The following PHTF2 variants were observed in gnomAD, a reference collection of about 807,000 sequenced individuals.
PHTF2 encodes the protein putative homeodomain transcription factor 2.
A neutral mutation model predicts 101.2 loss-of-function variants in PHTF2; 60 were observed. That is an observed-to-expected ratio of 0.59 (90% CI 0.48 to 0.73). The LOEUF is 0.73. PHTF2 is among the 30% of genes least tolerant of loss of function. The pLI is 0.00. For synonymous variants in PHTF2, 311 were observed against 307.3 expected (o/e 1.01, Z -0.13); for missense variants, 747 against 908.7 (o/e 0.82, Z 2.29).
At chr7:77,916,462 C>G (rs1802934418) in intron 9 of PHTF2, among the ~76,000 whole-genome samples, 1 of 152,124 alleles carries the variant, frequency 6.6e-6, no homozygotes, top group South Asian at 2.1e-4. Context: ...CTGGAGCAAC[C>G]ACGTTTTTGA....
intron 3 of PHTF2, among the ~76,000 whole-genome samples, chr7:77,869,696 C>T (rs1798364173): frequency 6.6e-6 from 1 of 152,126 alleles, no homozygotes; most frequent in Admixed American, 6.6e-5. Flanking sequence ...ATTAGCATTC[C>T]TCTTTCTCTA....
intron 3 of PHTF2, among the ~76,000 whole-genome samples, chr7:77,867,596 A>G (rs781001380): frequency 5.3e-5 from 8 of 152,216 alleles, no homozygotes; most frequent in Non-Finnish European, 1.2e-4. Flanking sequence ...CTCAACTGGC[A>G]TTTGAGGAGT....
intron 11 of PHTF2, chr7:77,923,790 T>A: frequency 2.0e-6 from 2 of 985,260 alleles, no homozygotes; most frequent in Non-Finnish European, 2.4e-6. Flanking sequence ...TCTCCCAGAA[T>A]AAATTATTTA....
At chr7:77,881,713 G>A (rs945103206) in intron 3 of PHTF2, among the ~76,000 whole-genome samples, 2 of 152,010 alleles carry the variant, frequency 1.3e-5, no homozygotes, top group Non-Finnish European at 2.9e-5. Flanking sequence ...AGGATGTCAT[G>A]GTTAATAGTA....
At chr7:77,906,276 A>G (rs1420343856) in intron 7 of PHTF2, 1 of 152,186 alleles carries the variant, frequency 6.6e-6, no homozygotes, top group Non-Finnish European at 1.5e-5. Context: ...AGGAGCTACC[A>G]CGCCCGGCTC....
chr7:77,895,305 G>A (rs1800783032), intron 5 of PHTF2: 1 of 293,834 alleles, frequency 3.4e-6, no homozygotes, highest in Non-Finnish European at 6.6e-6. Context: ...TGAGAACAGA[G>A]CATTGGGAAA....
chr7:77,881,023 A>G (rs960931345), intron 3 of PHTF2, among the ~76,000 whole-genome samples: 1 of 151,978 alleles, frequency 6.6e-6, no homozygotes, highest in African/African-American at 2.4e-5. Context: ...AGTGGACAAT[A>G]TATTCTGTCT....
At chr7:77,899,989 A>G (rs192013093) in intron 5 of PHTF2, among the ~76,000 whole-genome samples, 1 of 137,316 alleles carries the variant, frequency 7.3e-6, no homozygotes, top group East Asian at 2.2e-4. Context: ...TTTTTTCACT[A>G]GTTTTGATCT....
At chr7:77,873,194 T>TGTAATCCCATA (rs147158996) in intron 3 of PHTF2, among the ~76,000 whole-genome samples, 3,702 of 152,254 alleles carry the variant, frequency 0.024, 146 homozygotes, top group African/African-American at 0.084. Flanking sequence ...CCCATAGTGC[T>TGTAATCCCATA]GGGATTACAG....
At chr7:77,815,697 G>A (rs1372163007) in intron 1 of PHTF2, among the ~76,000 whole-genome samples, 1 of 152,226 alleles carries the variant, frequency 6.6e-6, no homozygotes, top group Non-Finnish European at 1.5e-5. Flanking sequence ...TTGGCATGGT[G>A]TGAGAGAAAA....
At chr7:77,947,376 C>T in intron 16 of PHTF2, among the ~76,000 whole-genome samples, 1 of 151,798 alleles carries the variant, frequency 6.6e-6, no homozygotes, top group East Asian at 1.9e-4. Flanking sequence ...AGCCTGGCCA[C>T]CATGGCAAAA....
intron 3 of PHTF2, among the ~76,000 whole-genome samples, chr7:77,867,822 T>C (rs1216795769): frequency 1.3e-5 from 2 of 152,268 alleles, no homozygotes; most frequent in East Asian, 3.9e-4. Context: ...ATACTTAATC[T>C]ACAGCTTGAT....
intron 2 of PHTF2, among the ~76,000 whole-genome samples, chr7:77,854,123 G>A (rs1341813048): frequency 6.6e-6 from 1 of 152,168 alleles, no homozygotes; most frequent in Non-Finnish European, 1.5e-5. Flanking sequence ...TTAGTTTTGT[G>A]ATCTAAATCT....
chr7:77,922,834 T>G, intron 11 of PHTF2, 56 bp downstream of exon 10: 1 of 1,298,528 alleles, frequency 7.7e-7, no homozygotes, highest in Non-Finnish European at 1.0e-6. Context: ...TGTTACTAAT[T>G]TATAACTTCT....
chr7:77,824,361 TGAAACTGG>T (rs1794545201), intron 1 of PHTF2, among the ~76,000 whole-genome samples: 1 of 152,130 alleles, frequency 6.6e-6, no homozygotes, highest in African/African-American at 2.4e-5. Context: ...TAAAAAGAAT[TGAAACTGG>T]GTATCCTCCC....
At chr7:77,865,912 G>C (rs112131182) in intron 3 of PHTF2, among the ~76,000 whole-genome samples, 213 of 152,034 alleles carry the variant, frequency 1.4e-3, no homozygotes, top group African/African-American at 4.4e-3. Context: ...GGCTGGGCTC[G>C]GTGGCTCATG....
chr7:77,832,848 A>G (rs1222883738), intron 1 of PHTF2, among the ~76,000 whole-genome samples: 1 of 152,102 alleles, frequency 6.6e-6, no homozygotes, highest in Non-Finnish European at 1.5e-5. Flanking sequence ...TATACAATAA[A>G]TGTAATGCTC....
intron 1 of PHTF2, among the ~76,000 whole-genome samples, chr7:77,823,728 A>G (rs1018470283): frequency 5.9e-5 from 9 of 151,880 alleles, no homozygotes; most frequent in Admixed American, 4.6e-4. Context: ...GCTAGAATGT[A>G]AGGTATGTGT....
At chr7:77,930,475 T>C (rs200429390) in intron 12 of PHTF2, among the ~76,000 whole-genome samples, 1 of 151,918 alleles carries the variant, frequency 6.6e-6, no homozygotes. Flanking sequence ...CATTTAAAAT[T>C]CCCCTCTTCT....
Sources: allele counts gnomAD v4.1 joint callset (sites outside exome capture counted in the v4.1 genomes callset), GRCh38; gene constraint gnomAD v4.1.1; transcripts MANE v1.5; gene names NCBI Gene and HGNC (gene_info 2026-07-23, HGNC 2026-07-21).